The following KATNIP variants were observed in gnomAD, a reference collection of about 807,000 sequenced individuals.
KATNIP encodes the protein katanin interacting protein, also known as katanin-interacting protein.
In KATNIP, 126 loss-of-function variants were observed where a neutral mutation model predicts 174.0. The ratio of observed to expected loss-of-function variants is 0.72; its 90% CI spans 0.63 to 0.84. The LOEUF (loss-of-function observed/expected upper bound fraction) is 0.84. Ranked by LOEUF, KATNIP falls within the 40% of genes least tolerant of loss-of-function variation. KATNIP has a pLI of 0.00. For missense variants in KATNIP, 1,958 were observed against 2,109.7 expected, an observed-to-expected ratio of 0.93 and a Z score of 1.41; for synonymous variants, 810 against 835.7, an observed-to-expected ratio of 0.97 and a Z score of 0.53.
chr16:27,622,813 GTCC>G (rs1483621702), intron 3 of KATNIP, among the ~76,000 whole-genome samples: 2 of 152,162 alleles, frequency 1.3e-5, no homozygotes, highest in African/African-American at 4.8e-5. Flanking sequence ...CTATCCTTTT[GTCC>G]TCATGGCAGC....
In KATNIP at chr16:27,757,829, T is replaced by C. The variant is rs118101034; in HGVS notation, c.3631+3578T>C. Among the ~76,000 whole-genome samples, 4 of 152,264 alleles carry C rather than the reference T, an allele frequency of 2.6e-5. No individual in the cohort carries two copies. In the East Asian group the frequency reaches 7.7e-4, roughly 29 times the overall value. ...AATAAAGTGACCCGGGGGGAATGTG[T>C]CGGGGTTGGTAAATACGGCCAATCC... On this transcript the variant is annotated intron_variant, in intron 18 of 27. Transcript: ENST00000261588.
At chr16:27,694,280 G>C (rs2078839166) in intron 8 of KATNIP, among the ~76,000 whole-genome samples, 1 of 152,158 alleles carries the variant, frequency 6.6e-6, no homozygotes, top group Non-Finnish European at 1.5e-5. Flanking sequence ...TAGCAAGAGA[G>C]TCAAGTGCTT....
At chr16:27,577,552 C>T (rs564775521) in intron 2 of KATNIP, among the ~76,000 whole-genome samples, 3 of 151,542 alleles carry the variant, frequency 2.0e-5, no homozygotes, top group Non-Finnish European at 3.0e-5. Context: ...ATTAGCCGGA[C>T]GTGGTGGCAG....
intron 18 of KATNIP, among the ~76,000 whole-genome samples, chr16:27,758,148 TG>T (rs2081808292): frequency 6.6e-6 from 1 of 152,144 alleles, no homozygotes; most frequent in Non-Finnish European, 1.5e-5. Context: ...ATTGTAGGCT[TG>T]GGAGAGACTG....
At chr16:27,702,301 C>T (rs1052514235) in intron 11 of KATNIP, among the ~76,000 whole-genome samples, 3 of 152,186 alleles carry the variant, frequency 2.0e-5, no homozygotes, top group Non-Finnish European at 4.4e-5. Context: ...GCGAGGTTGG[C>T]CCACAGCAGC....
At chr16:27,778,065 C>G in intron 27 of KATNIP, 96 bp downstream of exon 27, 1 of 1,093,348 alleles carries the variant, frequency 9.1e-7, no homozygotes, top group Non-Finnish European at 1.3e-6. Flanking sequence ...CTCACCCCTG[C>G]CTGCCCCTAG....
At position 27,763,441 on chromosome 16, in the gene KATNIP, TAAAAAAAAAAAAAAAA is replaced by T. The variant is rs35206356; in HGVS notation, c.3809+1862_3809+1877del. Among the ~76,000 whole-genome samples, 2 of 68,186 alleles carry T rather than the reference TAAAAAAAAAAAAAAAA, an allele frequency of 2.9e-5. 1 individual carries two copies. The highest frequency in any genetic ancestry group is 1.3e-4 in the African/African-American group (2 of 14,950). The allele number at this position is 68,186 out of a possible 152,430, so 44.7% of individuals were successfully genotyped here. A position where few individuals can be genotyped will look rare whatever the true frequency, so the allele number is the denominator to read the frequency against. On this transcript the variant is annotated intron_variant, in intron 19 of 27. Transcript: ENST00000261588. ...GGGCAACATAGTGAGATTGTGTCTC[TAAAAAAAAAAAAAAAA>T]AAAAAAAAAATAGCCAGGCATTGTG... is the stretch of plus-strand genomic sequence containing the variant.
chr16:27,701,620 A>G lies in KATNIP; in HGVS notation c.1211A>G (p.Gln404Arg), dbSNP rs767734183. 13 of 1,604,766 alleles carry G rather than the reference A, an allele frequency of 8.1e-6. No individual in the cohort carries two copies. The highest frequency in any genetic ancestry group is 5.1e-5 in the Admixed American group (3 of 58,930). ...CCCATCACCACGGCGACTACTACTC[A>G]GGAGCCGGCCGGGGCAGCAGGAGGA... Reference protein sequence around the residue: ...LLPITTATTTQEPAGAAGGAR... With the variant: ...LLPITTATTTREPAGAAGGAR... Residue 404 changes from glutamine (Q) to arginine (R), a missense_variant, in exon 11 of 28, where the codon CAG (glutamine) becomes CGG (arginine). Coordinates refer to ENST00000261588, the MANE Select transcript of KATNIP (RefSeq NM_015202.5).
chr16:27,638,953 C>T (rs1276218922), intron 5 of KATNIP, among the ~76,000 whole-genome samples: 1 of 150,592 alleles, frequency 6.6e-6, no homozygotes, highest in African/African-American at 2.4e-5. Flanking sequence ...GATTAACAGA[C>T]GTGAGCCACT....
intron 2 of KATNIP, among the ~76,000 whole-genome samples, chr16:27,605,713 T>C (rs1227946316): frequency 1.3e-5 from 2 of 152,206 alleles, no homozygotes; most frequent in Admixed American, 1.3e-4. Flanking sequence ...TAGGGGGCAG[T>C]ATCAACCGTT....
chr16:27,676,979 A>G (rs1037852983), intron 6 of KATNIP, among the ~76,000 whole-genome samples: 3 of 152,028 alleles, frequency 2.0e-5, no homozygotes, highest in African/African-American at 4.8e-5. Context: ...CTCCGTTTAT[A>G]CTTTTTGTCC....
intron 20 of KATNIP, 117 bp downstream of exon 20, chr16:27,766,591 C>A: frequency 9.4e-7 from 1 of 1,068,896 alleles, no homozygotes; most frequent in Non-Finnish European, 1.3e-6. Context: ...CCAAACGGAG[C>A]TGGGGGCGTT....
intron 1 of KATNIP, among the ~76,000 whole-genome samples, chr16:27,558,656 T>G (rs984771492): frequency 6.6e-6 from 1 of 152,174 alleles, no homozygotes; most frequent in African/African-American, 2.4e-5. Context: ...GCAGCACCCT[T>G]TCACATACAT....
intron 2 of KATNIP, among the ~76,000 whole-genome samples, chr16:27,616,096 G>A (rs2076027378): frequency 6.6e-6 from 1 of 152,190 alleles, no homozygotes. Flanking sequence ...AATTGGCCAG[G>A]TGCGGTGGCT....
At chr16:27,672,816 G>A (rs1365371578) in intron 6 of KATNIP, among the ~76,000 whole-genome samples, 2 of 152,254 alleles carry the variant, frequency 1.3e-5, no homozygotes, top group Admixed American at 1.3e-4. Flanking sequence ...ACATAGTGAC[G>A]GTCATGAAGA....
chr16:27,695,682 G>A lies in KATNIP; in HGVS notation c.941-2646G>A, dbSNP rs533908629. Reference sequence around the variant, plus strand: ...TCGCCAGTGCCAAGAACAGAGCCTGGCACAGATAAATATTTCCCCAAGGGT... The same window carrying A: ...TCGCCAGTGCCAAGAACAGAGCCTGACACAGATAAATATTTCCCCAAGGGT... On this transcript the variant is annotated intron_variant, in intron 8 of 27. Coordinates refer to ENST00000261588, the MANE Select transcript of KATNIP (RefSeq NM_015202.5). Among the ~76,000 whole-genome samples, 168 of 152,236 alleles carry A rather than the reference G, an allele frequency of 1.1e-3. 2 individuals are homozygous for A. Among genetic ancestry groups the A allele is most frequent in the African/African-American group, 3.9e-3 (164 of 41,532 alleles).
chr16:27,739,219 C>T (rs1307467810), intron 14 of KATNIP, among the ~76,000 whole-genome samples: 1 of 152,106 alleles, frequency 6.6e-6, no homozygotes, highest in Non-Finnish European at 1.5e-5. Context: ...CGAGGGACAG[C>T]TGGCGGATTG....
Position 27,766,536 on chromosome 16 carries a change from G to A in KATNIP, c.3975+62G>A, listed in dbSNP as rs992660692. 2.6e-6 allele frequency: 4 copies of A among 1,519,268 alleles called. No homozygotes were observed. The African/African-American group carries it at 5.5e-5, about 21-fold the overall frequency. The allele number at this position is 1,519,268 out of a possible 1,614,324, so 94.1% of individuals were successfully genotyped here. On this transcript the variant is annotated intron_variant, in intron 20 of 27. Coordinates refer to ENST00000261588, the MANE Select transcript of KATNIP (RefSeq NM_015202.5). ...TCAGGGAAGCAGCACCTTGATGAAT[G>A]GCTGGCGTGGCAGCCAGAGAGGAGC...
At chr16:27,654,593 T>C in intron 6 of KATNIP, 1 of 1,352,004 alleles carries the variant, frequency 7.4e-7, no homozygotes, top group Non-Finnish European at 9.8e-7. Context: ...CCCAGTTTTC[T>C]GTGCTTGTCC....
Sources: allele counts gnomAD v4.1 joint callset (sites outside exome capture counted in the v4.1 genomes callset), GRCh38; gene constraint gnomAD v4.1.1; transcripts MANE v1.5; gene names NCBI Gene and HGNC (gene_info 2026-07-23, HGNC 2026-07-21).